WDR75: variants seen among roughly 807,000 people sequenced by gnomAD.
WDR75 encodes WD repeat-containing protein 75.
A neutral mutation model predicts 106.1 loss-of-function variants in WDR75; 52 were observed. The observed-to-expected ratio is 0.49, with a 90% CI of 0.39 to 0.62. WDR75 has a LOEUF of 0.62. Among genes scored for constraint, WDR75 ranks in the 20% least tolerant of loss-of-function variants. The probability of loss-of-function intolerance (pLI) is 0.00; values close to 1 mark genes in which losing one functional copy is unlikely to be tolerated. For missense variants in WDR75, 905 were observed against 970.3 expected (o/e 0.93, Z 0.89); for synonymous variants, 333 against 335.5 (o/e 0.99, Z 0.08).
At chr2:189,463,170 G>A in intron 9 of WDR75, among the ~76,000 whole-genome samples, 1 of 152,126 alleles carries the variant, frequency 6.6e-6, no homozygotes, top group Non-Finnish European at 1.5e-5. Context: ...ACATAACTGT[G>A]AGCAGTCCAT....
chr2:189,444,459 G>A (rs1169625900), intron 1 of WDR75, among the ~76,000 whole-genome samples: 2 of 152,094 alleles, frequency 1.3e-5, no homozygotes, highest in Non-Finnish European at 2.9e-5. Context: ...ATCCCATTCT[G>A]CGGCATCCCA....
intron 9 of WDR75, among the ~76,000 whole-genome samples, chr2:189,463,226 T>C (rs1335178483): frequency 6.6e-6 from 1 of 152,200 alleles, no homozygotes; most frequent in African/African-American, 2.4e-5. Context: ...ATATACTCTA[T>C]AGATTTTGCA....
chr2:189,466,419 C>T lies in WDR75; in HGVS notation c.1290-6C>T, dbSNP rs771523509. ...AAGAATAAATTTGTGGTTTCCTTCC[C>T]GCTAGGTTTATTCTTAACACTAAAA... On this transcript the variant is annotated splice_polypyrimidine_tract_variant and splice_region_variant and intron_variant, in intron 12 of 20. Coordinates refer to ENST00000314761, the MANE Select transcript of WDR75 (RefSeq NM_032168.3). The T allele has an allele frequency of 9.9e-6, 16 of 1,610,888 alleles. No individual in the cohort carries two copies. The highest frequency in any genetic ancestry group is 1.7e-5 in the Admixed American group (1 of 59,376).
chr2:189,443,804 G>C (rs1238381546), intron 1 of WDR75, among the ~76,000 whole-genome samples: 1 of 152,200 alleles, frequency 6.6e-6, no homozygotes, highest in African/African-American at 2.4e-5. Flanking sequence ...TGTAATTGCA[G>C]CATAGGGTAT....
intron 7 of WDR75, 25 bp downstream of exon 7, chr2:189,458,897 G>A: frequency 6.3e-7 from 1 of 1,590,898 alleles, no homozygotes; most frequent in Non-Finnish European, 8.5e-7. Flanking sequence ...GAAGAGCATG[G>A]CGATCATTTA....
rs950173099 is a variant in WDR75, at chr2:189,470,124, G to A, written c.1868G>A (p.Gly623Asp). ...CCAAGGCCATTGTATATTCAAAAGG[G>A]TATCTCCAGAGAGAAAGTCCAGTGG... ...SEPRPLYIQK[G>D]ISREKVQWGV... Residue 623 changes from glycine (G) to aspartate (D), a missense_variant, in exon 17 of 21, where the codon GGT becomes GAT. Coordinates refer to ENST00000314761, the MANE Select transcript of WDR75 (RefSeq NM_032168.3). The A allele has an allele frequency of 3.7e-6, 6 of 1,613,256 alleles. No individual in the cohort carries two copies. Among genetic ancestry groups the A allele is most frequent in the South Asian group, 1.1e-5 (1 of 91,042 alleles).
At chr2:189,450,715 T>A (rs1474016126) in intron 2 of WDR75, 188 bp from the exon 3 acceptor site, 1 of 1,397,158 alleles carries the variant, frequency 7.2e-7, no homozygotes, top group African/African-American at 1.5e-5. Flanking sequence ...AATGGATGGA[T>A]CTGCTTCTTG....
At chr2:189,442,939 C>T (rs1422560687) in intron 1 of WDR75, among the ~76,000 whole-genome samples, 1 of 152,206 alleles carries the variant, frequency 6.6e-6, no homozygotes, top group Admixed American at 6.5e-5. Context: ...ACGCTTCGGA[C>T]TCATATCCAT....
intron 15 of WDR75, among the ~76,000 whole-genome samples, chr2:189,468,880 T>C (rs1339470985): frequency 1.3e-5 from 2 of 152,220 alleles, no homozygotes; most frequent in Non-Finnish European, 2.9e-5. Context: ...TTTCTGCTCA[T>C]TTTTAATACT....
Position 189,464,957 on chromosome 2 carries a change from T to C in WDR75, c.1114-122T>C, listed in dbSNP as rs576027414. The C allele has an allele frequency of 9.3e-5, 63 of 675,946 alleles. No homozygotes were observed. In the East Asian group the frequency reaches 1.9e-3, roughly 20 times the overall value. The allele number at this position is 675,946 out of a possible 1,614,324, so 41.9% of individuals were successfully genotyped here. A position where few individuals can be genotyped will look rare whatever the true frequency, so the allele number is the denominator to read the frequency against. ...GTTCATTTTTGCCTTTATTTAAAAATCTATTACTATACAGTACAGAAGTTG... is the reference window on the plus strand; with the variant it reads ...GTTCATTTTTGCCTTTATTTAAAAACCTATTACTATACAGTACAGAAGTTG... On this transcript the variant is annotated intron_variant, in intron 11 of 20. Coordinates refer to ENST00000314761, the MANE Select transcript of WDR75 (RefSeq NM_032168.3).
chr2:189,451,752 T>C lies in WDR75; in HGVS notation c.283-53T>C, dbSNP rs1004675989. 1.3e-5 allele frequency: 20 copies of C among 1,498,894 alleles called. No homozygotes were observed. In the East Asian group the frequency reaches 1.8e-4, roughly 14 times the overall value. The allele number at this position is 1,498,894 out of a possible 1,614,324, so 92.8% of individuals were successfully genotyped here. On this transcript the variant is annotated intron_variant, in intron 3 of 20. Transcript: ENST00000314761. ...AAAACCCCTGCCTTGATGGATCTTA[T>C]GTTCCACTGGAGGGAACAGACAGTA... is the stretch of plus-strand genomic sequence containing the variant.
Position 189,464,421 on chromosome 2 carries a change from A to C in WDR75, c.1113+460A>C, listed in dbSNP as rs145556573. 1.1e-3 allele frequency among the ~76,000 whole-genome samples: 162 copies of C among 152,262 alleles called. 2 individuals carry two copies. The highest frequency in any genetic ancestry group is 3.6e-3 in the African/African-American group (148 of 41,550). ...ATGTCCCACTTTTCTTGTTCCCCACAGTACTCTTTACAGATCTCTGTCATA... is the reference window on the plus strand; with the variant it reads ...ATGTCCCACTTTTCTTGTTCCCCACCGTACTCTTTACAGATCTCTGTCATA... On this transcript the variant is annotated intron_variant, in intron 11 of 20. Coordinates refer to ENST00000314761, the MANE Select transcript of WDR75 (RefSeq NM_032168.3).
intron 8 of WDR75, 90 bp downstream of exon 8, chr2:189,459,514 A>G (rs1331752627): frequency 4.8e-6 from 6 of 1,241,046 alleles, no homozygotes; most frequent in Admixed American, 1.9e-5. Flanking sequence ...AAGATTTAAA[A>G]CTGCATGAGC....
chr2:189,457,225 G>A, intron 5 of WDR75, 86 bp from the exon 6 acceptor site: 1 of 890,466 alleles, frequency 1.1e-6, no homozygotes, highest in Non-Finnish European at 1.8e-6. Flanking sequence ...TGGGGGACAA[G>A]AGCGAGACTT....
chr2:189,450,489 C>T, intron 2 of WDR75: 1 of 872,866 alleles, frequency 1.1e-6, no homozygotes, highest in Non-Finnish European at 1.4e-6. Flanking sequence ...TGCCACCACG[C>T]CTGGCTAATT....
In WDR75 at chr2:189,465,145, G is replaced by A. The variant is rs540899577; in HGVS notation, c.1180G>A (p.Ala394Thr). The part of the protein sequence containing the change: ...GLIQIELTKA[A>T]FGCFGNWLAT... ...GATCCAAATTGAACTAACAAAGGCT[G>A]CATTTGGCTGCTTTGGTAACTGGCT... The change falls in exon 12 of 21, where the codon GCA becomes ACA. Residue 394 changes from alanine (A) to threonine (T), a missense_variant. Coordinates refer to ENST00000314761, the MANE Select transcript of WDR75 (RefSeq NM_032168.3). 1.9e-6 allele frequency: 3 copies of A among 1,613,024 alleles called. No homozygotes were observed. Among genetic ancestry groups the A allele is most frequent in the East Asian group, 2.2e-5 (1 of 44,848 alleles).
chr2:189,450,743 A>T, intron 2 of WDR75, 160 bp from the exon 3 acceptor site: 1 of 1,420,728 alleles, frequency 7.0e-7, no homozygotes, highest in Non-Finnish European at 9.1e-7. Flanking sequence ...CTGTGAAAAG[A>T]TTGTTTTGCA....
intron 19 of WDR75, 148 bp downstream of exon 19, chr2:189,474,480 C>A: frequency 9.5e-7 from 1 of 1,049,214 alleles, no homozygotes; most frequent in Non-Finnish European, 1.4e-6. Flanking sequence ...GTAACTTAAC[C>A]TTGTGATCTG....
intron 1 of WDR75, among the ~76,000 whole-genome samples, chr2:189,442,679 G>C (rs1318497551): frequency 6.6e-6 from 1 of 151,950 alleles, no homozygotes; most frequent in Non-Finnish European, 1.5e-5. Flanking sequence ...GGAACTCCTG[G>C]CCTCAAGTGA....
Sources: gnomAD v4.1 joint callset for allele counts (sites outside exome capture counted in the v4.1 genomes callset) on GRCh38, gnomAD v4.1.1 for gene constraint, MANE v1.5 for transcripts, NCBI Gene and HGNC (gene_info 2026-07-23, HGNC 2026-07-21) for gene names.